Variants in BACE1 observed in about 807,000 individuals in gnomAD.
BACE1 encodes APP beta-secretase.
A neutral mutation model predicts 54.0 loss-of-function variants in BACE1; 21 were observed. The ratio of observed to expected loss-of-function variants is 0.39; its 90% CI spans 0.28 to 0.56. The LOEUF is 0.56. BACE1 is among the 20% of genes least tolerant of loss of function. The probability of loss-of-function intolerance (pLI) is 0.63; values close to 1 mark genes in which losing one functional copy is unlikely to be tolerated. For missense variants in BACE1, 511 were observed against 661.2 expected, an observed-to-expected ratio of 0.77 and a Z score of 2.49; for synonymous variants, 232 against 260.9, an observed-to-expected ratio of 0.89 and a Z score of 1.07.
chr11:117,310,387 C>T (rs2034919737), intron 1 of BACE1, among the ~76,000 whole-genome samples: 1 of 152,110 alleles, frequency 6.6e-6, no homozygotes, highest in Non-Finnish European at 1.5e-5. Context: ...AGAGAGGATA[C>T]TGCAAAATAA....
chr11:117,315,917 C>T lies in BACE1; in HGVS notation c.-122G>A. ...GAGAGGGAGCTTGGGGGCATCAGGA[C>T]GCCAGGGCCTGCAGGGCCCTGGGCC... On this transcript the variant is annotated 5_prime_UTR_variant, in exon 1 of 9. Coordinates refer to ENST00000313005, the MANE Select transcript of BACE1 (RefSeq NM_012104.6). This position sits in a 1 kb window ranked among gnomAD's most constrained non-coding sequence, Gnocchi z 5.5. The T allele has an allele frequency of 1.7e-6, 2 of 1,170,848 alleles. No individual in the cohort carries two copies. Among genetic ancestry groups the T allele is most frequent in the Non-Finnish European group, 1.1e-6 (1 of 895,324 alleles). The allele number at this position is 1,170,848 out of a possible 1,614,324, so 72.5% of individuals were successfully genotyped here.
At position 117,314,344 on chromosome 11, in the gene BACE1, A is replaced by T. The variant is rs191532265; in HGVS notation, c.261+1191T>A. Among the ~76,000 whole-genome samples the T allele has an allele frequency of 4.4e-3, 672 of 152,248 alleles. 2 individuals are homozygous for T. The highest frequency in any genetic ancestry group is 0.015 in the African/African-American group (642 of 41,532). On this transcript the variant is annotated intron_variant, in intron 1 of 8. Coordinates refer to ENST00000313005, the MANE Select transcript of BACE1 (RefSeq NM_012104.6). ...AAGACCAGGCTTTCGACTAGCTGAGAGGTAGGGCTGGGGAGCACGCACCTA... is the reference window on the plus strand; with the variant it reads ...AAGACCAGGCTTTCGACTAGCTGAGTGGTAGGGCTGGGGAGCACGCACCTA...
Position 117,289,409 on chromosome 11 carries a change from A to C in BACE1, c.*157T>G. The C allele has an allele frequency of 7.7e-7, 1 of 1,297,962 alleles. No individual in the cohort carries two copies. Among genetic ancestry groups the C allele is most frequent in the Non-Finnish European group, 1.0e-6 (1 of 970,578 alleles). 80.4% of individuals were successfully genotyped at this position (1,297,962 alleles called of 1,614,324 possible). A position where few individuals can be genotyped will look rare whatever the true frequency, so the allele number is the denominator to read the frequency against. On this transcript the variant is annotated 3_prime_UTR_variant, in exon 9 of 9. Coordinates refer to ENST00000313005, the MANE Select transcript of BACE1 (RefSeq NM_012104.6). ...TACAGTCCCTGGAACCCACCTTGCC[A>C]GCCTTTTCCTTCTCCATCAAGGCAG...
chr11:117,292,374 G>T (rs1243791139), intron 5 of BACE1: 1 of 151,788 alleles, frequency 6.6e-6, no homozygotes, highest in Non-Finnish European at 1.5e-5. Flanking sequence ...TAGAGATGGG[G>T]TTTCACCATG....
chr11:117,300,947 C>T (rs1157825596), intron 1 of BACE1, among the ~76,000 whole-genome samples: 1 of 152,196 alleles, frequency 6.6e-6, no homozygotes, highest in African/African-American at 2.4e-5. Flanking sequence ...ACAACCAAAG[C>T]GCTCAGCCAG....
chr11:117,290,777 AC>A, intron 7 of BACE1, 118 bp from the exon 8 acceptor site: 1 of 1,546,316 alleles, frequency 6.5e-7, no homozygotes, highest in Middle Eastern at 2.4e-4. Flanking sequence ...GTTTTCTGAG[AC>A]CCCTTTACTG....
intron 1 of BACE1, among the ~76,000 whole-genome samples, chr11:117,312,762 C>A (rs2034978219): frequency 6.6e-6 from 1 of 152,206 alleles, no homozygotes; most frequent in Non-Finnish European, 1.5e-5. Context: ...CGCGTCCAGC[C>A]ATAAATGGTT....
At chr11:117,299,625 C>T (rs774847100) in intron 1 of BACE1, 4 of 380,504 alleles carry the variant, frequency 1.1e-5, no homozygotes, top group South Asian at 3.8e-5. Context: ...TTTCCATTCC[C>T]CTCCCTGCCC....
intron 1 of BACE1, among the ~76,000 whole-genome samples, chr11:117,310,725 C>T (rs2034926846): frequency 6.6e-6 from 1 of 152,160 alleles, no homozygotes; most frequent in Non-Finnish European, 1.5e-5. Context: ...CTGGCCAGAG[C>T]TTGAAGTTTT....
At chr11:117,312,147 C>T (rs1475368074) in intron 1 of BACE1, among the ~76,000 whole-genome samples, 2 of 152,130 alleles carry the variant, frequency 1.3e-5, no homozygotes, top group African/African-American at 4.8e-5. Flanking sequence ...ATTAACAGGA[C>T]TGGCTCTCTA....
chr11:117,302,213 A>T (rs1318114360), intron 1 of BACE1, among the ~76,000 whole-genome samples: 2 of 152,084 alleles, frequency 1.3e-5, no homozygotes, highest in Non-Finnish European at 2.9e-5. Context: ...GGCACCTGTA[A>T]TCCCAGCGAC....
At chr11:117,305,434 C>T (rs980698848) in intron 1 of BACE1, among the ~76,000 whole-genome samples, 2 of 152,134 alleles carry the variant, frequency 1.3e-5, no homozygotes, top group Non-Finnish European at 2.9e-5. Flanking sequence ...GACTCCTTTT[C>T]CCAGCTAGTT....
chr11:117,301,536 G>A (rs1298874482), intron 1 of BACE1, among the ~76,000 whole-genome samples: 11 of 152,070 alleles, frequency 7.2e-5, no homozygotes, highest in Admixed American at 7.2e-4. Context: ...TTGAGCCCAG[G>A]AGTTTGAGGT....
intron 1 of BACE1, among the ~76,000 whole-genome samples, chr11:117,313,742 C>T (rs1028397114): frequency 1.3e-5 from 2 of 152,140 alleles, no homozygotes; most frequent in Non-Finnish European, 2.9e-5. Flanking sequence ...ACATGTAAAA[C>T]GTGGAGGCCC....
Position 117,315,384 on chromosome 11 carries a change from C to A in BACE1, c.261+151G>T. On this transcript the variant is annotated intron_variant, in intron 1 of 8. Coordinates refer to ENST00000313005, the MANE Select transcript of BACE1 (RefSeq NM_012104.6). This position sits in a 1 kb window ranked among gnomAD's most constrained non-coding sequence, Gnocchi z 5.5. ...GGGAGCTTGGGAACACTTCTGCCAA[C>A]AACCACGTGACCCCCGGGGAATGGC... 2.7e-6 allele frequency: 3 copies of A among 1,120,636 alleles called. No individual in the cohort carries two copies. The highest frequency in any genetic ancestry group is 3.6e-6 in the Non-Finnish European group (3 of 829,464). 69.4% of individuals were successfully genotyped at this position (1,120,636 alleles called of 1,614,324 possible).
rs759448530 is a variant in BACE1 at position 117,295,253 on chromosome 11, G to A, written c.445C>T (p.Pro149Ser). ...GELGTDLVSI[P>S]HGPNVTVRAN... ...CGCACAGTGACGTTGGGGCCATGGGGGATGCTTACCAGGTCGGTGCCCAGC... is the reference window on the plus strand; with the variant it reads ...CGCACAGTGACGTTGGGGCCATGGGAGATGCTTACCAGGTCGGTGCCCAGC... The change falls in exon 3 of 9, where the codon CCC becomes TCC. Residue 149 changes from proline (P) to serine (S), a missense_variant. Physicochemically the swap from Pro to Ser is moderately conservative, Grantham distance 74 (BLOSUM62 -1). This residue lies in a region of BACE1 where 407 missense variants were observed against 565.7 expected (regional missense o/e 0.72). Coordinates refer to ENST00000313005, the MANE Select transcript of BACE1 (RefSeq NM_012104.6). 1.2e-6 allele frequency: 2 copies of A among 1,614,200 alleles called. No homozygotes were observed. The highest frequency in any genetic ancestry group is 1.7e-6 in the Non-Finnish European group (2 of 1,180,032).
At chr11:117,299,613 G>T in intron 1 of BACE1, 1 of 373,386 alleles carries the variant, frequency 2.7e-6, no homozygotes, top group Non-Finnish European at 5.3e-6. Flanking sequence ...CTCCTGGCCT[G>T]GTTTCCATTC....
chr11:117,297,253 T>A (rs2034622937), intron 1 of BACE1: 4 of 340,734 alleles, frequency 1.2e-5, no homozygotes, highest in Non-Finnish European at 2.1e-5. Flanking sequence ...TGCAAGGGAG[T>A]CAAAAAAATA....
In BACE1 at chr11:117,289,218, A is replaced by ATC; in HGVS notation, c.*347_*348insGA. 2.4e-5 allele frequency: 6 copies of ATC among 254,616 alleles called. No individual in the cohort carries two copies. The highest frequency in any genetic ancestry group is 3.9e-5 in the Non-Finnish European group (5 of 128,950). The allele number at this position is 254,616 out of a possible 1,614,324, so 15.8% of individuals were successfully genotyped here. ...CTGCGTGTGATGCCAGTACTTCTGA[A>ATC]ACTAAGAAAAGAAGAATACTTTGGG... On this transcript the variant is annotated 3_prime_UTR_variant, in exon 9 of 9. Coordinates refer to ENST00000313005, the MANE Select transcript of BACE1 (RefSeq NM_012104.6).
Sources: gnomAD v4.1 joint callset for allele counts (sites outside exome capture counted in the v4.1 genomes callset) on GRCh38, gnomAD v4.1.1 for gene constraint, gnomAD v4.1.1 regional missense constraint, Gnocchi (gnomAD v3.1) non-coding constraint, MANE v1.5 for transcripts, NCBI Gene and HGNC (gene_info 2026-07-23, HGNC 2026-07-21) for gene names.